The following SMYD3 variants were observed in gnomAD, a reference collection of about 807,000 sequenced individuals.
SMYD3 encodes the protein histone-lysine N-methyltransferase SMYD3.
Under a neutral mutation model 57.7 loss-of-function variants are expected in SMYD3, and 36 were observed. The observed-to-expected ratio is 0.62, with a 90% CI of 0.48 to 0.82. SMYD3 has a LOEUF of 0.82. Among genes scored for constraint, SMYD3 ranks in the 40% least tolerant of loss-of-function variants. The probability of loss-of-function intolerance (pLI) is 0.00; values close to 1 mark genes in which losing one functional copy is unlikely to be tolerated. For synonymous variants in SMYD3, 211 were observed against 195.0 expected, an observed-to-expected ratio of 1.08 and a Z score of -0.68; for missense variants, 515 against 538.8, an observed-to-expected ratio of 0.96 and a Z score of 0.44.
chr1:246,049,293 TG>T (rs1475685086), intron 5 of SMYD3, among the ~76,000 whole-genome samples: 1 of 151,874 alleles, frequency 6.6e-6, no homozygotes, highest in Non-Finnish European at 1.5e-5. Context: ...GTGTTTTTTT[TG>T]TTTGTTTGTT....
chr1:246,324,253 A>G (rs1217659133), intron 5 of SMYD3, among the ~76,000 whole-genome samples: 2 of 151,934 alleles, frequency 1.3e-5, no homozygotes, highest in Non-Finnish European at 2.9e-5. Flanking sequence ...TGTCTCTACT[A>G]AAAATACAAA....
At chr1:246,239,776 C>T (rs574463093) in intron 5 of SMYD3, among the ~76,000 whole-genome samples, 265 of 152,116 alleles carry the variant, frequency 1.7e-3, no homozygotes, top group African/African-American at 5.8e-3. Flanking sequence ...TTTTAATGAT[C>T]GCCATTCTAA....
At chr1:246,315,057 C>T (rs1335470426) in intron 5 of SMYD3, among the ~76,000 whole-genome samples, 1 of 152,168 alleles carries the variant, frequency 6.6e-6, no homozygotes, top group African/African-American at 2.4e-5. Flanking sequence ...CTTCCTGTCA[C>T]TGGGTGACTA....
At chr1:246,241,304 G>C (rs1004124152) in intron 5 of SMYD3, among the ~76,000 whole-genome samples, 6 of 152,140 alleles carry the variant, frequency 3.9e-5, no homozygotes, top group Non-Finnish European at 2.9e-5. Context: ...AGCATGAAGG[G>C]CTGATGAATT....
chr1:246,144,706 T>C (rs561137972), intron 5 of SMYD3, among the ~76,000 whole-genome samples: 14 of 152,322 alleles, frequency 9.2e-5, no homozygotes, highest in African/African-American at 1.4e-4. Context: ...AATCATTTCA[T>C]AGAACTATCC....
At position 246,076,544 on chromosome 1, in the gene SMYD3, T is replaced by C. The variant is rs550568348; in HGVS notation, c.532-146607A>G. Among the ~76,000 whole-genome samples the C allele has an allele frequency of 2.6e-5, 4 of 152,314 alleles. No individual in the cohort carries two copies. The South Asian group carries it at 8.3e-4, about 32-fold the overall frequency. ...CTTAACTATATAGTCAATCAACTAG[T>C]ACATAAACAAATGACTTCAGTACAC... On this transcript the variant is annotated intron_variant, in intron 5 of 11. Transcript: ENST00000490107.
chr1:246,496,236 A>G (rs2068358713), intron 1 of SMYD3, among the ~76,000 whole-genome samples: 1 of 151,578 alleles, frequency 6.6e-6, no homozygotes, highest in Middle Eastern at 3.4e-3. Context: ...GGATTTCACC[A>G]TGTTGGCCAG....
chr1:245,750,892 C>CAA (rs1025000670), intron 11 of SMYD3, among the ~76,000 whole-genome samples: 1 of 152,162 alleles, frequency 6.6e-6, no homozygotes, highest in African/African-American at 2.4e-5. Context: ...ACAGCAGGAT[C>CAA]AACCAGGGAG....
chr1:246,419,580 G>A (rs555002130), intron 1 of SMYD3, among the ~76,000 whole-genome samples: 1 of 152,180 alleles, frequency 6.6e-6, no homozygotes, highest in South Asian at 2.1e-4. Context: ...CCCTAGCCAG[G>A]GACCATGCCC....
rs568090044 is a variant in SMYD3, at chr1:245,997,375, T to C, written c.532-67438A>G. ...TTTCAACTGGAATTCATTGAGCATC[T>C]ACTGAGCTGCTATTTCAGCACGCTT... On this transcript the variant is annotated intron_variant, in intron 5 of 11. Transcript: ENST00000490107. Among the ~76,000 whole-genome samples, 5 of 152,384 alleles carry C rather than the reference T, an allele frequency of 3.3e-5. No individual in the cohort carries two copies. The South Asian group carries it at 1.0e-3, about 32-fold the overall frequency.
chr1:246,461,755 A>G (rs1006639558), intron 1 of SMYD3, among the ~76,000 whole-genome samples: 6 of 142,996 alleles, frequency 4.2e-5, no homozygotes, highest in African/African-American at 1.5e-4. Flanking sequence ...AAAAAAAATT[A>G]AAATTGAGAA....
intron 1 of SMYD3, among the ~76,000 whole-genome samples, chr1:246,471,462 G>T (rs2067961438): frequency 6.6e-6 from 1 of 152,214 alleles, no homozygotes; most frequent in African/African-American, 2.4e-5. Context: ...CTCCCAAAGT[G>T]CTGGGATTAC....
intron 5 of SMYD3, among the ~76,000 whole-genome samples, chr1:246,289,110 C>T (rs774866948): frequency 8.6e-5 from 13 of 152,008 alleles, no homozygotes; most frequent in Non-Finnish European, 1.3e-4. Context: ...AGCAAAACTT[C>T]GTCTCAAAAG....
At chr1:245,984,018 A>T (rs1343693878) in intron 5 of SMYD3, among the ~76,000 whole-genome samples, 229 of 120,602 alleles carry the variant, frequency 1.9e-3, no homozygotes, top group African/African-American at 7.1e-3. Flanking sequence ...TTTTTTTTTT[A>T]AATGGAGTTT....
At position 246,088,483 on chromosome 1, in the gene SMYD3, G is replaced by A. The variant is rs1240396770; in HGVS notation, c.532-158546C>T. Among the ~76,000 whole-genome samples the A allele has an allele frequency of 5.4e-5, 7 of 130,492 alleles. 1 individual carries two copies. The highest frequency in any genetic ancestry group is 2.6e-4 in the South Asian group (1 of 3,876). 85.6% of individuals were successfully genotyped at this position (130,492 alleles called of 152,430 possible). ...AAATTAGCCGGGCGTGGTGACAGGC[G>A]CCTGTAGTCCCAGCTACTCGGGAGG... On this transcript the variant is annotated intron_variant, in intron 5 of 11. Transcript: ENST00000490107.
intron 5 of SMYD3, among the ~76,000 whole-genome samples, chr1:246,129,228 T>TA (rs774985124): frequency 5.3e-5 from 8 of 151,866 alleles, no homozygotes; most frequent in East Asian, 1.9e-4. Flanking sequence ...AAAACTGCTC[T>TA]AAAAAAAATT....
chr1:246,036,917 C>G (rs10802321), intron 5 of SMYD3, among the ~76,000 whole-genome samples: 69,970 of 151,594 alleles, frequency 0.46, 18,344 homozygotes, highest in East Asian at 0.96. Flanking sequence ...GACAAATTCT[C>G]TGTACTCTTA....
At chr1:246,234,793 G>A (rs898252953) in intron 5 of SMYD3, among the ~76,000 whole-genome samples, 1 of 152,198 alleles carries the variant, frequency 6.6e-6, no homozygotes, top group East Asian at 1.9e-4. Context: ...TTACAGCTTA[G>A]ACAAGAAACC....
At chr1:245,865,669 C>T (rs548123450) in intron 8 of SMYD3, among the ~76,000 whole-genome samples, 1 of 152,318 alleles carries the variant, frequency 6.6e-6, no homozygotes, top group African/African-American at 2.4e-5. Context: ...TAACAGGTAG[C>T]CACCAGCCAG....
Sources: allele counts gnomAD v4.1 joint callset (sites outside exome capture counted in the v4.1 genomes callset), GRCh38; gene constraint gnomAD v4.1.1; transcripts MANE v1.5; gene names NCBI Gene and HGNC (gene_info 2026-07-23, HGNC 2026-07-21).